The following GULP1 variants were observed in gnomAD, a reference collection of about 807,000 sequenced individuals.
The protein encoded by GULP1 is GULP PTB domain containing engulfment adaptor 1, also known as PTB domain-containing engulfment adapter protein 1.
GULP1 carries 19 observed loss-of-function variants against 40.9 expected under a neutral mutation model. The observed-to-expected ratio is 0.46, with a 90% CI of 0.32 to 0.68. The LOEUF (loss-of-function observed/expected upper bound fraction) is 0.68. Ranked by LOEUF, GULP1 falls within the 30% of genes least tolerant of loss-of-function variation. GULP1 has a pLI of 0.03. For missense variants in GULP1, 312 were observed against 362.2 expected (o/e 0.86, Z 1.12); for synonymous variants, 119 against 117.6 (o/e 1.01, Z -0.08).
intron 9 of GULP1, among the ~76,000 whole-genome samples, chr2:188,580,363 C>T (rs905904195): frequency 5.9e-5 from 9 of 151,960 alleles, no homozygotes; most frequent in African/African-American, 2.2e-4. Context: ...ACCATCCCGG[C>T]TAAAACGGTG....
At chr2:188,469,492 A>T (rs1322415748) in intron 2 of GULP1, among the ~76,000 whole-genome samples, 1 of 152,166 alleles carries the variant, frequency 6.6e-6, no homozygotes, top group African/African-American at 2.4e-5. Flanking sequence ...TACAGGAAGC[A>T]TAGTGGTTTC....
intron 6 of GULP1, among the ~76,000 whole-genome samples, chr2:188,534,970 A>T (rs1285233222): frequency 6.6e-6 from 1 of 151,674 alleles, no homozygotes; most frequent in Non-Finnish European, 1.5e-5. Context: ...TTTCCTGTCC[A>T]CAAGTCTCGA....
intron 2 of GULP1, among the ~76,000 whole-genome samples, chr2:188,399,580 G>A (rs1452364708): frequency 1.3e-5 from 2 of 151,178 alleles, no homozygotes; most frequent in Non-Finnish European, 2.9e-5. Flanking sequence ...CTGTCCAGGT[G>A]CAGTGGCTTA....
chr2:188,309,148 T>C (rs1184561484), intron 1 of GULP1, among the ~76,000 whole-genome samples: 9 of 152,160 alleles, frequency 5.9e-5, no homozygotes, highest in Non-Finnish European at 2.9e-5. Flanking sequence ...TTGGGAGATG[T>C]AACATCACGA....
chr2:188,460,497 C>T (rs537915949), intron 2 of GULP1, among the ~76,000 whole-genome samples: 5 of 147,760 alleles, frequency 3.4e-5, no homozygotes, highest in African/African-American at 9.9e-5. Context: ...TTTTTATGTT[C>T]TACAATTTTA....
chr2:188,587,755 A>T (rs1472833143), intron 10 of GULP1, 100 bp from the exon 11 acceptor site: 2 of 689,552 alleles, frequency 2.9e-6, no homozygotes, highest in Non-Finnish European at 5.2e-6. Flanking sequence ...GGCTTATTTG[A>T]TCATGTAAAT....
At position 188,563,553 on chromosome 2, in the gene GULP1, T is replaced by A. The variant is rs185442450; in HGVS notation, c.400-5686T>A. Among the ~76,000 whole-genome samples, 392 of 149,830 alleles carry A rather than the reference T, an allele frequency of 2.6e-3. 1 individual carries two copies. Among genetic ancestry groups the A allele is most frequent in the Admixed American group, 6.9e-3 (104 of 15,114 alleles). On this transcript the variant is annotated intron_variant, in intron 7 of 11. Transcript: ENST00000409830. ...TATTTTTAAAAAATTATATTTTTTT[T>A]ATCTTTTTTTTATATTTTTAAAAAA...
At chr2:188,317,222 C>T (rs889699092) in intron 1 of GULP1, among the ~76,000 whole-genome samples, 11 of 152,102 alleles carry the variant, frequency 7.2e-5, no homozygotes, top group African/African-American at 2.4e-4. Flanking sequence ...TTTCATGGCT[C>T]GTTTGGTTTC....
intron 2 of GULP1, among the ~76,000 whole-genome samples, chr2:188,424,537 T>C (rs1189678139): frequency 6.6e-6 from 1 of 151,978 alleles, no homozygotes; most frequent in Non-Finnish European, 1.5e-5. Context: ...AAAAGAAAAC[T>C]ATTTACATGC....
chr2:188,415,700 G>A (rs992387329), intron 2 of GULP1, among the ~76,000 whole-genome samples: 1 of 152,118 alleles, frequency 6.6e-6, no homozygotes, highest in East Asian at 1.9e-4. Context: ...CTGATTGTAA[G>A]TCCATCTTTT....
chr2:188,319,423 A>G (rs971283583), intron 1 of GULP1, among the ~76,000 whole-genome samples: 1 of 152,162 alleles, frequency 6.6e-6, no homozygotes, highest in African/African-American at 2.4e-5. Flanking sequence ...ATACATTGAA[A>G]GATGGAATCA....
chr2:188,521,536 T>C (rs567189283), intron 4 of GULP1, among the ~76,000 whole-genome samples: 9 of 152,218 alleles, frequency 5.9e-5, no homozygotes, highest in South Asian at 2.1e-4. Flanking sequence ...AAGAGCAAAG[T>C]CATGTCTTAC....
chr2:188,292,073 C>G lies in GULP1; in HGVS notation c.-265C>G, dbSNP rs1216121646. The G allele has an allele frequency of 6.6e-6, 1 of 152,312 alleles. No homozygotes were observed. The highest frequency in any genetic ancestry group is 2.4e-5 in the African/African-American group (1 of 41,462). The allele number at this position is 152,312 out of a possible 1,614,324, so 9.4% of individuals were successfully genotyped here. A position where few individuals can be genotyped will look rare whatever the true frequency, so the allele number is the denominator to read the frequency against. ...CCTCTCGGCCTCGGAGACGGCGCCC[C>G]GGCCGTGCCGGAGTGGAGATCGCCA... is the stretch of plus-strand genomic sequence containing the variant. On this transcript the variant is annotated 5_prime_UTR_variant, in exon 1 of 12. Transcript: ENST00000409830. This position sits in a 1 kb window ranked among gnomAD's most constrained non-coding sequence, Gnocchi z 4.0.
chr2:188,503,090 C>A (rs955720172), intron 4 of GULP1, among the ~76,000 whole-genome samples: 1 of 151,928 alleles, frequency 6.6e-6, no homozygotes, highest in Admixed American at 6.6e-5. Flanking sequence ...GGAGATTACA[C>A]TTCAAAAATC....
At chr2:188,558,648 A>G (rs761172270) in intron 7 of GULP1, among the ~76,000 whole-genome samples, 66 of 152,200 alleles carry the variant, frequency 4.3e-4, no homozygotes, top group Non-Finnish European at 1.3e-4. Context: ...AATGTGGGAA[A>G]GTTTAGGACT....
At chr2:188,294,414 C>T (rs1156722777) in intron 1 of GULP1, 2 of 152,172 alleles carry the variant, frequency 1.3e-5, no homozygotes. Flanking sequence ...CTCAGTATTT[C>T]ACACATTTGC....
At chr2:188,311,895 T>G (rs1171043209) in intron 1 of GULP1, among the ~76,000 whole-genome samples, 1 of 148,660 alleles carries the variant, frequency 6.7e-6, no homozygotes, top group Non-Finnish European at 1.5e-5. Flanking sequence ...ATTTATTATA[T>G]ATTATATTAA....
Position 188,472,452 on chromosome 2 carries a change from G to A in GULP1, c.-44-5207G>A, listed in dbSNP as rs143239520. On this transcript the variant is annotated intron_variant, in intron 2 of 11. Coordinates refer to ENST00000409830, the MANE Select transcript of GULP1 (RefSeq NM_016315.4). ...GCTATTTTCTAGATTCGGCAGGCAC[G>A]CTTCATTCTTTTTAATTCTTTTTTT... is the stretch of plus-strand genomic sequence containing the variant. 3.8e-3 allele frequency among the ~76,000 whole-genome samples: 577 copies of A among 152,086 alleles called. 4 individuals are homozygous for A. The highest frequency in any genetic ancestry group is 0.013 in the African/African-American group (543 of 41,518).
At chr2:188,313,253 G>A (rs1321363757) in intron 1 of GULP1, among the ~76,000 whole-genome samples, 1 of 152,078 alleles carries the variant, frequency 6.6e-6, no homozygotes, top group Non-Finnish European at 1.5e-5. Flanking sequence ...ATGGTTTTGG[G>A]TTTTACATTT....
Sources: gnomAD v4.1 joint callset for allele counts (sites outside exome capture counted in the v4.1 genomes callset) on GRCh38, gnomAD v4.1.1 for gene constraint, Gnocchi (gnomAD v3.1) non-coding constraint, MANE v1.5 for transcripts, NCBI Gene and HGNC (gene_info 2026-07-23, HGNC 2026-07-21) for gene names.